EVL: variants seen among roughly 807,000 people sequenced by gnomAD.
EVL encodes Enah/Vasp-like, also known as ena/VASP-like protein.
A neutral mutation model predicts 59.6 loss-of-function variants in EVL; 21 were observed. The observed-to-expected ratio is 0.35, with a 90% CI of 0.25 to 0.51. EVL has a LOEUF of 0.51. EVL is among the 20% of genes least tolerant of loss of function. The pLI, the probability that EVL is intolerant of heterozygous loss-of-function variation, is 0.97. For missense variants in EVL, 462 were observed against 546.6 expected (o/e 0.85, Z 1.54); for synonymous variants, 198 against 203.5 (o/e 0.97, Z 0.23).
chr14:99,992,913 AG>A (rs2060885005), intron 1 of EVL, among the ~76,000 whole-genome samples: 1 of 152,102 alleles, frequency 6.6e-6, no homozygotes, highest in Non-Finnish European at 1.5e-5. Flanking sequence ...TTATCATGAA[AG>A]GGTGTTGAAT....
chr14:100,132,626 C>G (rs1218662948), intron 7 of EVL, 93 bp from the exon 8 acceptor site: 2 of 1,370,396 alleles, frequency 1.5e-6, no homozygotes, highest in South Asian at 1.2e-5. Context: ...ATCTGAGGAC[C>G]GGGGTGAGTC....
rs186790567 is a variant in EVL, at chr14:100,098,278, G to A, written c.358+620G>A. ...GGGAGACCTCCACAGTGGTGGTGCC[G>A]TCTGAGCCGGAGTTCTGGGTGAGCA... On this transcript the variant is annotated intron_variant, in intron 3 of 13. Coordinates refer to ENST00000392920, the MANE Select transcript of EVL (RefSeq NM_016337.3). 5.1e-4 allele frequency among the ~76,000 whole-genome samples: 78 copies of A among 152,310 alleles called. 1 individual carries two copies. Among genetic ancestry groups the A allele is most frequent in the African/African-American group, 1.3e-3 (54 of 41,576 alleles).
intron 4 of EVL, among the ~76,000 whole-genome samples, 190 bp downstream of exon 4, chr14:100,123,792 G>A (rs767300005): frequency 4.6e-5 from 7 of 152,326 alleles, no homozygotes; most frequent in Middle Eastern, 3.4e-3. Flanking sequence ...GCTGGTCCCG[G>A]ACACCAAGAC....
chr14:100,009,291 A>G (rs926412544), intron 1 of EVL, among the ~76,000 whole-genome samples: 1 of 152,194 alleles, frequency 6.6e-6, no homozygotes, highest in African/African-American at 2.4e-5. Flanking sequence ...CTCATTTCAG[A>G]TGTGCATATT....
chr14:99,974,283 TA>T (rs1378539725), intron 1 of EVL: 2 of 152,268 alleles, frequency 1.3e-5, no homozygotes, highest in South Asian at 2.1e-4. Context: ...TTTAGCATTT[TA>T]AAAATTTAAT....
At chr14:100,128,216 C>G (rs1272127711) in intron 5 of EVL, among the ~76,000 whole-genome samples, 1 of 152,186 alleles carries the variant, frequency 6.6e-6, no homozygotes, top group East Asian at 1.9e-4. Flanking sequence ...TTCCTCTCCC[C>G]CTGGAAAAAC....
At chr14:99,973,750 A>G (rs1204696271) in intron 1 of EVL, among the ~76,000 whole-genome samples, 1 of 152,256 alleles carries the variant, frequency 6.6e-6, no homozygotes, top group Middle Eastern at 3.2e-3. Context: ...GGCATGAGCC[A>G]CCGAAAATAG....
In EVL at chr14:100,128,761, G is replaced by T. The variant is rs753644754; in HGVS notation, c.717+13G>T. On this transcript the variant is annotated intron_variant, in intron 6 of 13. Coordinates refer to ENST00000392920, the MANE Select transcript of EVL (RefSeq NM_016337.3). ...AAGAGTCCAACGGGTAAGAGCTCCT[G>T]TGTGCGGGGTGGGAATGGGACCGAG... is the stretch of plus-strand genomic sequence containing the variant. 6.3e-6 allele frequency: 10 copies of T among 1,599,712 alleles called. No homozygotes were observed. Among genetic ancestry groups the T allele is most frequent in the Non-Finnish European group, 8.5e-6 (10 of 1,177,686 alleles).
At chr14:100,125,195 C>CACACACA (rs61456003) in intron 4 of EVL, among the ~76,000 whole-genome samples, 1 of 138,518 alleles carries the variant, frequency 7.2e-6, no homozygotes, top group African/African-American at 2.7e-5. Flanking sequence ...CACACACACA[C>CACACACA]CTGCCCCAAG....
In EVL at chr14:99,986,316, A is replaced by G. The variant is rs113033487; in HGVS notation, c.5+14259A>G. On this transcript the variant is annotated intron_variant, in intron 1 of 13. Coordinates refer to the EVL transcript ENST00000402714. The stretch of plus-strand genomic sequence containing the variant: ...AAAAAAAAAAAAAAAAAAAAAATCA[A>G]ATGTATCCACTGGCACTGCTTCTTT... Among the ~76,000 whole-genome samples the G allele has an allele frequency of 5.3e-5, 8 of 151,408 alleles. 1 individual carries two copies. The highest frequency in any genetic ancestry group is 1.2e-4 in the African/African-American group (5 of 41,276).
chr14:100,059,284 C>T (rs2061782904), intron 1 of EVL, among the ~76,000 whole-genome samples: 1 of 152,168 alleles, frequency 6.6e-6, no homozygotes, highest in Non-Finnish European at 1.5e-5. Flanking sequence ...ATGAGAAGCC[C>T]CTGGCTTTCT....
chr14:100,025,956 A>AAACG (rs965511965), intron 1 of EVL, among the ~76,000 whole-genome samples: 1 of 151,962 alleles, frequency 6.6e-6, no homozygotes, highest in African/African-American at 2.4e-5. Context: ...ACAAACAAAC[A>AAACG]AAACACAGCT....
chr14:100,092,389 A>C (rs1465310211), intron 2 of EVL, among the ~76,000 whole-genome samples: 1 of 149,612 alleles, frequency 6.7e-6, no homozygotes, highest in Non-Finnish European at 1.5e-5. Context: ...CATGTCCATC[A>C]GCAGGAGAAT....
chr14:99,997,987 A>G (rs1250541304), intron 1 of EVL, among the ~76,000 whole-genome samples: 1 of 152,010 alleles, frequency 6.6e-6, no homozygotes, highest in Non-Finnish European at 1.5e-5. Flanking sequence ...TCCTTCATTC[A>G]TTCAACAACT....
chr14:100,020,346 G>T (rs538363608), intron 1 of EVL, among the ~76,000 whole-genome samples: 1 of 152,136 alleles, frequency 6.6e-6, no homozygotes, highest in African/African-American at 2.4e-5. Context: ...TATAAATGTG[G>T]GAAGGGATGT....
intron 1 of EVL, chr14:100,019,751 T>TCATTACACA: frequency 1.4e-6 from 2 of 1,461,540 alleles, no homozygotes; most frequent in Non-Finnish European, 1.8e-6. Flanking sequence ...GTTTTTGCTG[T>TCATTACACA]GTAATGACAG....
chr14:100,123,255 A>G (rs1566716372), intron 3 of EVL, among the ~76,000 whole-genome samples: 1 of 152,340 alleles, frequency 6.6e-6, no homozygotes, highest in East Asian at 1.9e-4. Flanking sequence ...AGTTTGAGAG[A>G]GAAGGCGAGC....
chr14:100,137,704 G>T, intron 10 of EVL, 36 bp from the exon 11 acceptor site: 1 of 1,613,940 alleles, frequency 6.2e-7, no homozygotes, highest in Non-Finnish European at 8.5e-7. Context: ...GGGCGCTGGC[G>T]CCGATTCACA....
intron 7 of EVL, among the ~76,000 whole-genome samples, chr14:100,131,261 G>A (rs1888418748): frequency 6.6e-6 from 1 of 152,224 alleles, no homozygotes; most frequent in African/African-American, 2.4e-5. Context: ...GCACCTTTCT[G>A]TCTGAGAACA....
Sources: allele counts gnomAD v4.1 joint callset (sites outside exome capture counted in the v4.1 genomes callset), GRCh38; gene constraint gnomAD v4.1.1; transcripts MANE v1.5; gene names NCBI Gene and HGNC (gene_info 2026-07-23, HGNC 2026-07-21).